Variants in DNAH17 observed in about 807,000 individuals in gnomAD.
DNAH17 encodes axonemal beta dynein heavy chain 17.
DNAH17 carries 376 observed loss-of-function variants against 485.6 expected under a neutral mutation model. The ratio of observed to expected loss-of-function variants is 0.77; its 90% CI spans 0.71 to 0.84. DNAH17 has a LOEUF of 0.84. Ranked by LOEUF, DNAH17 falls within the 40% of genes least tolerant of loss-of-function variation. The pLI is 0.00. For synonymous variants in DNAH17, 3,031 were observed against 2,405.9 expected (o/e 1.26, Z -7.60); for missense variants, 6,370 against 5,839.3 (o/e 1.09, Z -2.96).
chr17:78,549,967 T>C (rs1223587129), intron 16 of DNAH17, among the ~76,000 whole-genome samples: 2 of 152,054 alleles, frequency 1.3e-5, no homozygotes, highest in East Asian at 1.9e-4. Context: ...TGGGTGAGCA[T>C]TGCAGGTAAC....
intron 11 of DNAH17, among the ~76,000 whole-genome samples, chr17:78,563,256 A>C (rs1001027271): frequency 6.6e-6 from 1 of 152,280 alleles, no homozygotes; most frequent in Non-Finnish European, 1.5e-5. Context: ...TTGTATTGTG[A>C]GTTGTACAAA....
chr17:78,458,336 C>A, intron 62 of DNAH17: 1 of 562,196 alleles, frequency 1.8e-6, no homozygotes, highest in Non-Finnish European at 3.2e-6. Context: ...CCCAGTGTCC[C>A]AGGCCAGTGT....
In DNAH17 at chr17:78,561,993, G is replaced by A. The variant is rs1158796289; in HGVS notation, c.1570-13C>T. 16 of 1,563,708 alleles carry A rather than the reference G, an allele frequency of 1.0e-5. No homozygotes were observed. Among genetic ancestry groups the A allele is most frequent in the Non-Finnish European group, 1.4e-5 (16 of 1,155,512 alleles). ...ACATGTACAGGAGCTGAGGACAAAG[G>A]AGAAGGGGGCCTCTTCACCACAGTC... is the stretch of plus-strand genomic sequence containing the variant. On this transcript the variant is annotated splice_polypyrimidine_tract_variant and intron_variant, in intron 11 of 80. Coordinates refer to ENST00000389840, the MANE Select transcript of DNAH17 (RefSeq NM_173628.4).
chr17:78,472,256 G>T (rs1409414609), intron 54 of DNAH17, among the ~76,000 whole-genome samples: 1 of 145,366 alleles, frequency 6.9e-6, no homozygotes, highest in African/African-American at 2.7e-5. Flanking sequence ...GGGTGCGAGG[G>T]TTAGGGTTAG....
intron 37 of DNAH17, 22 bp downstream of exon 37, chr17:78,498,986 G>C: frequency 6.3e-7 from 1 of 1,578,334 alleles, no homozygotes; most frequent in Non-Finnish European, 8.6e-7. Flanking sequence ...GTGACCCCGA[G>C]GCCGCAGGCA....
rs138817164 is a variant in DNAH17 at position 78,439,698 on chromosome 17, C to G, written c.11678-481G>C. Among the ~76,000 whole-genome samples, 912 of 113,988 alleles carry G rather than the reference C, an allele frequency of 8.0e-3. 4 individuals are homozygous for G. Among genetic ancestry groups the G allele is most frequent in the African/African-American group, 0.029 (864 of 30,056 alleles). The allele number at this position is 113,988 out of a possible 152,430, so 74.8% of individuals were successfully genotyped here. On this transcript the variant is annotated intron_variant, in intron 72 of 80. Coordinates refer to ENST00000389840, the MANE Select transcript of DNAH17 (RefSeq NM_173628.4). ...TTTTTTTTTTTTTTTGAGATGGAGT[C>G]TCACTCTGTCGCCCAGGCTGGAGTG... is the stretch of plus-strand genomic sequence containing the variant.
At chr17:78,488,241 T>G (rs903878913) in intron 44 of DNAH17, among the ~76,000 whole-genome samples, 1 of 152,302 alleles carries the variant, frequency 6.6e-6, no homozygotes, top group East Asian at 1.9e-4. Context: ...TCACCTCTGG[T>G]CCATACGGCT....
rs542155519 is a variant in DNAH17 at position 78,558,333 on chromosome 17, T to A, written c.2032-79A>T. ...AGTGTTCAAGCAACAGAAATGAGCA[T>A]CTGCCCTGGGATGTTTTGACAGCCG... On this transcript the variant is annotated intron_variant, in intron 13 of 80. Transcript: ENST00000389840. The A allele has an allele frequency of 1.5e-3, 2,313 of 1,525,062 alleles. 7 individuals are homozygous for A. The highest frequency in any genetic ancestry group is 1.9e-3 in the Non-Finnish European group (2,195 of 1,130,982). The allele number at this position is 1,525,062 out of a possible 1,614,324, so 94.5% of individuals were successfully genotyped here.
chr17:78,511,480 C>CT (rs2090634747), intron 26 of DNAH17, among the ~76,000 whole-genome samples: 1 of 152,224 alleles, frequency 6.6e-6, no homozygotes, highest in Admixed American at 6.5e-5. Flanking sequence ...AATCCACCAC[C>CT]TTTGGCAGCT....
At chr17:78,560,966 C>G (rs2092141205) in intron 12 of DNAH17, 31 bp from the exon 13 acceptor site, 2 of 1,536,100 alleles carry the variant, frequency 1.3e-6, no homozygotes, top group East Asian at 4.9e-5. Context: ...CGAGGCCCCA[C>G]TGGATATCTC....
chr17:78,551,510 A>C (rs761010453), intron 16 of DNAH17, 25 bp downstream of exon 16: 1 of 1,608,980 alleles, frequency 6.2e-7, no homozygotes, highest in Non-Finnish European at 8.5e-7. Context: ...ACAAAGCCCC[A>C]CTCTGTGCTC....
At chr17:78,555,543 C>CAAAAAAAAAAAAAAAAAAA (rs765954549) in intron 14 of DNAH17, among the ~76,000 whole-genome samples, 1 of 77,714 alleles carries the variant, frequency 1.3e-5, no homozygotes, top group African/African-American at 5.6e-5. Context: ...GATTCCGTCA[C>CAAAAAAAAAAAAAAAAAAA]AAAAAAAAAA....
At chr17:78,481,677 C>G (rs1225609658) in intron 48 of DNAH17, among the ~76,000 whole-genome samples, 2 of 152,182 alleles carry the variant, frequency 1.3e-5, no homozygotes, top group African/African-American at 4.8e-5. Context: ...TAAATATTCA[C>G]CATCCCTGTT....
At chr17:78,565,007 C>CCT (rs1341365298) in intron 11 of DNAH17, among the ~76,000 whole-genome samples, 1 of 152,140 alleles carries the variant, frequency 6.6e-6, no homozygotes, top group African/African-American at 2.4e-5. Flanking sequence ...TCCACCATCC[C>CCT]GCAGGGGATG....
chr17:78,547,429 G>A (rs907138602), intron 16 of DNAH17, among the ~76,000 whole-genome samples: 2 of 152,108 alleles, frequency 1.3e-5, no homozygotes, highest in Admixed American at 1.3e-4. Flanking sequence ...TGGGCTACCT[G>A]CTTGGTAGAA....
intron 79 of DNAH17, 38 bp downstream of exon 79, chr17:78,426,419 C>T (rs759992034): frequency 6.1e-5 from 94 of 1,550,358 alleles, no homozygotes; most frequent in Middle Eastern, 1.7e-4. Flanking sequence ...ACTCGGTCCC[C>T]GAGTCTTAGG....
rs112451291 is a variant in DNAH17, at chr17:78,551,965, G to GAA, written c.2288-329_2288-328dup. ...GCAACAGAGTGAGACTCTATCTCAG[G>GAA]AAAAAAAAAAAAAAAATTCAGCAGG... On this transcript the variant is annotated intron_variant, in intron 15 of 80. Coordinates refer to ENST00000389840, the MANE Select transcript of DNAH17 (RefSeq NM_173628.4). 1.6e-3 allele frequency among the ~76,000 whole-genome samples: 229 copies of GAA among 140,242 alleles called. 2 individuals are homozygous for GAA. Among genetic ancestry groups the GAA allele is most frequent in the African/African-American group, 4.8e-3 (183 of 37,826 alleles). 92.0% of individuals were successfully genotyped at this position (140,242 alleles called of 152,430 possible). A position where few individuals can be genotyped will look rare whatever the true frequency, so the allele number is the denominator to read the frequency against.
chr17:78,495,734 G>T, intron 38 of DNAH17, 141 bp downstream of exon 38: 1 of 1,017,146 alleles, frequency 9.8e-7, no homozygotes, highest in Non-Finnish European at 1.4e-6. Flanking sequence ...TACTGTGCCC[G>T]GCCATCTTGG....
chr17:78,426,340 C>T, intron 79 of DNAH17, 117 bp downstream of exon 79: 1 of 1,274,066 alleles, frequency 7.8e-7, no homozygotes, highest in East Asian at 2.7e-5. Context: ...TGACAGAGGA[C>T]AGGCCCCCAG....
Sources: allele counts gnomAD v4.1 joint callset (sites outside exome capture counted in the v4.1 genomes callset), GRCh38; gene constraint gnomAD v4.1.1; transcripts MANE v1.5; gene names NCBI Gene and HGNC (gene_info 2026-07-23, HGNC 2026-07-21).